Variants in CHN2 observed in about 807,000 individuals in gnomAD.
CHN2 encodes the protein beta-chimaerin.
CHN2 carries 35 observed loss-of-function variants against 56.3 expected under a neutral mutation model. The ratio of observed to expected loss-of-function variants is 0.62; its 90% CI spans 0.47 to 0.82. The LOEUF is 0.82. Among genes scored for constraint, CHN2 ranks in the 40% least tolerant of loss-of-function variants. CHN2 has a pLI of 0.00. For missense variants in CHN2, 491 were observed against 580.5 expected (o/e 0.85, Z 1.58); for synonymous variants, 210 against 212.8 (o/e 0.99, Z 0.12).
At chr7:29,339,088 A>G (rs1241379187) in intron 1 of CHN2, among the ~76,000 whole-genome samples, 1 of 152,200 alleles carries the variant, frequency 6.6e-6, no homozygotes, top group African/African-American at 2.4e-5. Context: ...ACATTCTGGA[A>G]AAGTCACAGT....
intron 6 of CHN2, among the ~76,000 whole-genome samples, chr7:29,474,764 T>TA (rs1210029707): frequency 1.3e-5 from 2 of 152,204 alleles, no homozygotes; most frequent in African/African-American, 2.4e-5. Context: ...GAGCCCTCCT[T>TA]AAAATGTAGC....
intron 1 of CHN2, among the ~76,000 whole-genome samples, chr7:29,242,759 GAA>G (rs57273690): frequency 8.7e-4 from 52 of 59,720 alleles, no homozygotes; most frequent in African/African-American, 3.6e-3. Flanking sequence ...CTTTCCTTCT[GAA>G]AAAAAAAAAA....
intron 6 of CHN2, among the ~76,000 whole-genome samples, chr7:29,443,543 A>G (rs1169104530): frequency 6.6e-6 from 1 of 152,238 alleles, no homozygotes; most frequent in African/African-American, 2.4e-5. Context: ...ACACAGGCAC[A>G]CATCTGTCAT....
intron 6 of CHN2, among the ~76,000 whole-genome samples, chr7:29,449,252 G>C (rs1456402987): frequency 6.6e-6 from 1 of 152,194 alleles, no homozygotes; most frequent in Admixed American, 6.5e-5. Context: ...TTGGAATTAA[G>C]GTGAGTGTCT....
intron 2 of CHN2, among the ~76,000 whole-genome samples, chr7:29,183,081 CTTTTTTTTTT>C (rs34942216): frequency 1.5e-5 from 2 of 131,892 alleles, no homozygotes; most frequent in Non-Finnish European, 1.6e-5. Context: ...ACATGGCAGA[CTTTTTTTTTT>C]TTTTTTTTTT....
chr7:29,211,613 C>T (rs573478268), intron 1 of CHN2, among the ~76,000 whole-genome samples: 1 of 152,124 alleles, frequency 6.6e-6, no homozygotes, highest in Non-Finnish European at 1.5e-5. Context: ...AAGTTGATTT[C>T]AGAATCCACT....
At chr7:29,485,993 G>A in intron 7 of CHN2, among the ~76,000 whole-genome samples, 1 of 152,048 alleles carries the variant, frequency 6.6e-6, no homozygotes, top group East Asian at 1.9e-4. Context: ...CCCCCTCACT[G>A]TGTGTTCCCC....
chr7:29,471,426 A>G (rs1786021977), intron 6 of CHN2, among the ~76,000 whole-genome samples: 1 of 152,226 alleles, frequency 6.6e-6, no homozygotes, highest in Non-Finnish European at 1.5e-5. Flanking sequence ...AGCTGGTGGT[A>G]TCATGTGGGA....
Position 29,263,716 on chromosome 7 carries a change from C to T in CHN2, c.49+68726C>T, listed in dbSNP as rs1316654066. 7.7e-4 allele frequency among the ~76,000 whole-genome samples: 117 copies of T among 151,016 alleles called. 1 individual carries two copies. The highest frequency in any genetic ancestry group is 7.0e-3 in the Middle Eastern group (2 of 286). On this transcript the variant is annotated intron_variant, in intron 1 of 12. Coordinates refer to ENST00000222792, the MANE Select transcript of CHN2 (RefSeq NM_004067.4). ...GAAGTGAGGAGTGTCTCTGCCCGGCCGCCCATCATCTGGGATGTGGGGAGC... is the reference window on the plus strand; with the variant it reads ...GAAGTGAGGAGTGTCTCTGCCCGGCTGCCCATCATCTGGGATGTGGGGAGC...
chr7:29,446,108 A>G (rs897349869), intron 6 of CHN2, among the ~76,000 whole-genome samples: 2 of 152,182 alleles, frequency 1.3e-5, no homozygotes, highest in African/African-American at 4.8e-5. Context: ...AACAGAAACA[A>G]TAGTAGTTTT....
At chr7:29,198,517 A>C (rs1448139644) in intron 1 of CHN2, among the ~76,000 whole-genome samples, 1 of 152,238 alleles carries the variant, frequency 6.6e-6, no homozygotes, top group Non-Finnish European at 1.5e-5. Context: ...TTATGTGTAA[A>C]AGAAATTGCT....
chr7:29,376,062 C>T (rs1322143486), intron 3 of CHN2, among the ~76,000 whole-genome samples: 1 of 152,194 alleles, frequency 6.6e-6, no homozygotes, highest in African/African-American at 2.4e-5. Flanking sequence ...GCCTGTCCAA[C>T]CAAGCACTGA....
Position 29,370,512 on chromosome 7 carries a change from C to T in CHN2, c.144+2525C>T, listed in dbSNP as rs779422247. Among the ~76,000 whole-genome samples, 83 of 152,228 alleles carry T rather than the reference C, an allele frequency of 5.5e-4. 1 individual carries two copies. Among genetic ancestry groups the T allele is most frequent in the Non-Finnish European group, 2.6e-4 (18 of 68,024 alleles). On this transcript the variant is annotated intron_variant, in intron 3 of 12. Transcript: ENST00000222792. ...TAAGAGCCCGCATCTTCCTCTTCTA[C>T]GCAGCTCTGGGCCCTTTTTCTTGGT... is the stretch of plus-strand genomic sequence containing the variant.
At chr7:29,227,318 T>C (rs1269937090) in intron 1 of CHN2, among the ~76,000 whole-genome samples, 1 of 152,198 alleles carries the variant, frequency 6.6e-6, no homozygotes, top group African/African-American at 2.4e-5. Flanking sequence ...CTCAGTGATC[T>C]CCTTTCTGGC....
At chr7:29,467,483 T>C (rs1423764584) in intron 6 of CHN2, among the ~76,000 whole-genome samples, 1 of 152,168 alleles carries the variant, frequency 6.6e-6, no homozygotes, top group Non-Finnish European at 1.5e-5. Flanking sequence ...TTGTCCTGAC[T>C]CTACAACTAA....
At chr7:29,188,039 C>T (rs1317648677) in intron 2 of CHN2, among the ~76,000 whole-genome samples, 3 of 152,098 alleles carry the variant, frequency 2.0e-5, no homozygotes, top group Non-Finnish European at 4.4e-5. Flanking sequence ...TTAATATACT[C>T]GCATAGAGGT....
intron 1 of CHN2, among the ~76,000 whole-genome samples, chr7:29,285,661 A>C (rs1792089110): frequency 6.6e-6 from 1 of 152,180 alleles, no homozygotes; most frequent in African/African-American, 2.4e-5. Context: ...ACCAACATGT[A>C]CTTAGGTGTG....
chr7:29,386,232 C>T (rs1352515917), intron 3 of CHN2, among the ~76,000 whole-genome samples: 2 of 152,104 alleles, frequency 1.3e-5, no homozygotes, highest in African/African-American at 4.8e-5. Flanking sequence ...TTTTCTTTCT[C>T]TCCTTTTCAG....
intron 1 of CHN2, among the ~76,000 whole-genome samples, chr7:29,228,990 T>G (rs943489853): frequency 6.6e-6 from 1 of 152,180 alleles, no homozygotes; most frequent in Non-Finnish European, 1.5e-5. Context: ...TCCTTTCTGG[T>G]CCATGGATTC....
Sources: allele counts gnomAD v4.1 joint callset (sites outside exome capture counted in the v4.1 genomes callset), GRCh38; gene constraint gnomAD v4.1.1; transcripts MANE v1.5; gene names NCBI Gene and HGNC (gene_info 2026-07-23, HGNC 2026-07-21).